The following KIAA1549L variants were observed in gnomAD, a reference collection of about 807,000 sequenced individuals.
The protein encoded by KIAA1549L is UPF0606 protein KIAA1549L.
Under a neutral mutation model 160.7 loss-of-function variants are expected in KIAA1549L, and 88 were observed. The ratio of observed to expected loss-of-function variants is 0.55; its 90% CI spans 0.46 to 0.65. The LOEUF is 0.65. Ranked by LOEUF, KIAA1549L falls within the 30% of genes least tolerant of loss-of-function variation. KIAA1549L has a pLI of 0.00. For missense variants in KIAA1549L, 2,258 were observed against 2,437.5 expected, an observed-to-expected ratio of 0.93 and a Z score of 1.55; for synonymous variants, 950 against 976.7, an observed-to-expected ratio of 0.97 and a Z score of 0.51.
chr11:33,559,683 C>G (rs1294877900), intron 6 of KIAA1549L, 66 bp from the exon 7 acceptor site: 1 of 1,426,704 alleles, frequency 7.0e-7, no homozygotes, highest in African/African-American at 1.4e-5. Flanking sequence ...CTCCCATGGC[C>G]TCCATGAAAC....
intron 1 of KIAA1549L, among the ~76,000 whole-genome samples, chr11:33,444,919 C>G (rs1319780909): frequency 6.6e-6 from 1 of 152,180 alleles, no homozygotes; most frequent in African/African-American, 2.4e-5. Context: ...CTCTTCTGCT[C>G]CTCTCCTTGG....
intron 9 of KIAA1549L, among the ~76,000 whole-genome samples, chr11:33,574,115 G>A (rs769608253): frequency 6.6e-6 from 1 of 151,730 alleles, no homozygotes; most frequent in Admixed American, 6.6e-5. Context: ...ATTAGCTTGT[G>A]ATAGAAGGAT....
chr11:33,639,233 C>A (rs10836088), intron 16 of KIAA1549L, among the ~76,000 whole-genome samples: 1 of 151,994 alleles, frequency 6.6e-6, no homozygotes, highest in Non-Finnish European at 1.5e-5. Flanking sequence ...AGGATGAAGT[C>A]GTGGGTACTT....
intron 1 of KIAA1549L, among the ~76,000 whole-genome samples, chr11:33,487,956 C>T (rs907346609): frequency 6.6e-6 from 1 of 152,162 alleles, no homozygotes; most frequent in South Asian, 2.1e-4. Context: ...CTCCCTTTCC[C>T]ATCCCTGGGA....
intron 1 of KIAA1549L, among the ~76,000 whole-genome samples, chr11:33,477,895 G>A (rs553359743): frequency 4.6e-5 from 7 of 152,270 alleles, no homozygotes; most frequent in South Asian, 2.1e-4. Flanking sequence ...AACCACTTAC[G>A]TTTTGTCCAA....
intron 8 of KIAA1549L, among the ~76,000 whole-genome samples, chr11:33,567,264 C>CT: frequency 6.6e-6 from 1 of 152,340 alleles, no homozygotes; most frequent in African/African-American, 2.4e-5. Context: ...TTCTAAGCTG[C>CT]TTTACATATC....
chr11:33,412,282 A>G (rs1040435240), intron 1 of KIAA1549L, among the ~76,000 whole-genome samples: 2 of 152,238 alleles, frequency 1.3e-5, no homozygotes, highest in Non-Finnish European at 2.9e-5. Context: ...ATCCAACATT[A>G]TGTCCAGTGG....
intron 6 of KIAA1549L, among the ~76,000 whole-genome samples, chr11:33,557,099 T>C (rs1402404235): frequency 6.6e-6 from 1 of 152,118 alleles, no homozygotes; most frequent in African/African-American, 2.4e-5. Context: ...GTGATCCTCC[T>C]GCCTCAGCCT....
chr11:33,536,892 C>T (rs2179796), intron 1 of KIAA1549L, among the ~76,000 whole-genome samples: 51,974 of 152,020 alleles, frequency 0.34, 9,264 homozygotes, highest in Middle Eastern at 0.49. Flanking sequence ...GTCTCTTTCC[C>T]GTCTGTTCTT....
At chr11:33,556,967 G>T (rs1220132102) in intron 6 of KIAA1549L, among the ~76,000 whole-genome samples, 4 of 152,124 alleles carry the variant, frequency 2.6e-5, no homozygotes, top group Non-Finnish European at 1.5e-5. Context: ...GCTTCCTCGG[G>T]CTCCAGTGGG....
At chr11:33,466,447 T>C (rs937369722) in intron 1 of KIAA1549L, among the ~76,000 whole-genome samples, 1 of 152,146 alleles carries the variant, frequency 6.6e-6, no homozygotes, top group African/African-American at 2.4e-5. Context: ...AGAATGGCGA[T>C]CATTAAAAAG....
At chr11:33,630,993 G>C (rs887029130) in intron 16 of KIAA1549L, among the ~76,000 whole-genome samples, 5 of 152,294 alleles carry the variant, frequency 3.3e-5, no homozygotes, top group South Asian at 2.1e-4. Context: ...GAGAGAGGTG[G>C]AGGCACGTGC....
chr11:33,533,290 A>G (rs1361629655), intron 1 of KIAA1549L, among the ~76,000 whole-genome samples: 3 of 152,216 alleles, frequency 2.0e-5, no homozygotes, highest in Non-Finnish European at 2.9e-5. Flanking sequence ...TCAGGAAGAC[A>G]GAGGCCTGAA....
intron 1 of KIAA1549L, among the ~76,000 whole-genome samples, chr11:33,536,696 A>G (rs545135716): frequency 6.4e-4 from 97 of 152,338 alleles, no homozygotes; most frequent in Admixed American, 4.5e-3. Context: ...AACTCAAAAC[A>G]TTGCATGTGT....
chr11:33,648,401 C>A (rs1415684945), intron 17 of KIAA1549L, among the ~76,000 whole-genome samples: 2 of 151,608 alleles, frequency 1.3e-5, no homozygotes, highest in Non-Finnish European at 2.9e-5. Context: ...GCTAACAATA[C>A]AGAGTAGAAA....
At chr11:33,398,269 A>G (rs1850427374) in intron 1 of KIAA1549L, among the ~76,000 whole-genome samples, 1 of 151,396 alleles carries the variant, frequency 6.6e-6, no homozygotes, top group South Asian at 2.1e-4. Context: ...TATTGTTCAA[A>G]AATGTAAAAA....
chr11:33,590,696 G>A (rs912807628), intron 11 of KIAA1549L, among the ~76,000 whole-genome samples: 1 of 152,212 alleles, frequency 6.6e-6, no homozygotes, highest in African/African-American at 2.4e-5. Flanking sequence ...TCAGATCTGT[G>A]ATCCACTTTA....
chr11:33,498,605 A>G lies in KIAA1549L; in HGVS notation c.239-43197A>G, dbSNP rs370094273. The stretch of plus-strand genomic sequence containing the variant: ...TGGCAGCCGACTTCATCCCAGCAAG[A>G]AAACAGAAGCTGCCAGGACTTTTAA... On this transcript the variant is annotated intron_variant, in intron 1 of 20. Coordinates refer to ENST00000658780, the MANE Select transcript of KIAA1549L (RefSeq NM_012194.3). Among the ~76,000 whole-genome samples the G allele has an allele frequency of 3.9e-5, 6 of 152,316 alleles. No homozygotes were observed. The South Asian group carries it at 1.0e-3, about 26-fold the overall frequency.
Position 33,476,811 on chromosome 11 carries a change from G to A in KIAA1549L, c.239-64991G>A, listed in dbSNP as rs549347066. Among the ~76,000 whole-genome samples, 9 of 152,256 alleles carry A rather than the reference G, an allele frequency of 5.9e-5. No individual in the cohort carries two copies. The South Asian group carries it at 8.3e-4, about 14-fold the overall frequency. On this transcript the variant is annotated intron_variant, in intron 1 of 20. Transcript: ENST00000658780. ...CTCTCCTAACGTCACACTGAAACAC[G>A]TTACCCTGTCTTATCTTTGCTTTTT...
Sources: allele counts gnomAD v4.1 joint callset (sites outside exome capture counted in the v4.1 genomes callset), GRCh38; gene constraint gnomAD v4.1.1; transcripts MANE v1.5; gene names NCBI Gene and HGNC (gene_info 2026-07-23, HGNC 2026-07-21).